The following MGAT5 variants were observed in gnomAD, a reference collection of about 807,000 sequenced individuals.
The protein encoded by MGAT5 is alpha-1,6-mannosylglycoprotein 6-beta-N-acetylglucosaminyltransferase, also known as alpha-1,6-mannosylglycoprotein 6-beta-N-acetylglucosaminyltransferase A.
MGAT5 carries 30 observed loss-of-function variants against 94.3 expected under a neutral mutation model. The ratio of observed to expected loss-of-function variants is 0.32; its 90% CI spans 0.24 to 0.43. The LOEUF is 0.43. Among genes scored for constraint, MGAT5 ranks in the 20% least tolerant of loss-of-function variants. The pLI is 1.00. For missense variants in MGAT5, 691 were observed against 905.5 expected (o/e 0.76, Z 3.04); for synonymous variants, 310 against 322.9 (o/e 0.96, Z 0.43).
chr2:134,137,494 C>T (rs1188423225), intron 1 of MGAT5, among the ~76,000 whole-genome samples: 5 of 152,202 alleles, frequency 3.3e-5, no homozygotes, highest in African/African-American at 7.2e-5. Context: ...TACTGCACCT[C>T]GTCAGGCTGC....
intron 2 of MGAT5, among the ~76,000 whole-genome samples, chr2:134,293,327 T>C (rs556293750): frequency 6.6e-6 from 1 of 152,308 alleles, no homozygotes; most frequent in South Asian, 2.1e-4. Context: ...AGTATACGTA[T>C]GCGAGGGAAA....
rs770888873 is a variant in MGAT5, at chr2:134,338,297, G to T, written c.684G>T (p.Met228Ile). ...IRTDFNILYS[M>I]MKKHEEFRWM... Reference sequence around the variant, plus strand: ...CAGATTTTAATATTCTCTACAGTATGATGAAAAAGCATGAAGAATTCCGGT... The same window carrying T: ...CAGATTTTAATATTCTCTACAGTATTATGAAAAAGCATGAAGAATTCCGGT... Residue 228 changes from methionine (M) to isoleucine (I), a missense_variant, in exon 6 of 16, where the codon ATG becomes ATT. Physicochemically the swap from Met to Ile is conservative, Grantham distance 10. This residue lies in a region of MGAT5 where 307 missense variants were observed against 335.4 expected (regional missense o/e 0.92). Transcript: ENST00000281923. The T allele has an allele frequency of 6.2e-7, 1 of 1,612,936 alleles. No homozygotes were observed. The highest frequency in any genetic ancestry group is 2.2e-5 in the East Asian group (1 of 44,810).
intron 1 of MGAT5, among the ~76,000 whole-genome samples, chr2:134,162,735 A>AT (rs1687793657): frequency 6.6e-6 from 1 of 152,362 alleles, no homozygotes; most frequent in Admixed American, 6.5e-5. Flanking sequence ...TAGAAATAAC[A>AT]TGTTTGGGAT....
chr2:134,171,816 C>CA (rs1247571835), intron 1 of MGAT5, among the ~76,000 whole-genome samples: 1 of 152,158 alleles, frequency 6.6e-6, no homozygotes, highest in African/African-American at 2.4e-5. Flanking sequence ...AGCAGATACT[C>CA]ACCTGGGCTA....
intron 4 of MGAT5, among the ~76,000 whole-genome samples, chr2:134,327,905 G>T (rs1318841777): frequency 6.6e-6 from 1 of 152,078 alleles, no homozygotes; most frequent in Non-Finnish European, 1.5e-5. Context: ...CCTAAAATAT[G>T]ACTACCTCTT....
In MGAT5 at chr2:134,326,052, C is replaced by CTT. The variant is rs1553446977; in HGVS notation, c.573+7328_573+7329dup. Among the ~76,000 whole-genome samples, 455 of 135,894 alleles carry CTT rather than the reference C, an allele frequency of 3.3e-3. 3 individuals are homozygous for CTT. The highest frequency in any genetic ancestry group is 0.011 in the African/African-American group (417 of 37,162). The allele number at this position is 135,894 out of a possible 152,430, so 89.2% of individuals were successfully genotyped here. A position where few individuals can be genotyped will look rare whatever the true frequency, so the allele number is the denominator to read the frequency against. ...CTGATTTCTCTTTCTCTCTCTCTCT[C>CTT]TTTTTTTTTTTTTTTTGATGTTAGC... On this transcript the variant is annotated intron_variant, in intron 4 of 15. Transcript: ENST00000281923.
intron 1 of MGAT5, among the ~76,000 whole-genome samples, chr2:134,183,874 A>G (rs1688871248): frequency 6.6e-6 from 1 of 152,218 alleles, no homozygotes; most frequent in Non-Finnish European, 1.5e-5. Context: ...CATGCGGGAC[A>G]TGAAAAACGT....
intron 10 of MGAT5, among the ~76,000 whole-genome samples, chr2:134,383,562 A>G (rs777800878): frequency 2.0e-5 from 3 of 152,326 alleles, no homozygotes; most frequent in South Asian, 2.1e-4. Flanking sequence ...GCTGTTTTAA[A>G]TACTGCTGTT....
chr2:134,439,022 T>C (rs1685324602), intron 14 of MGAT5, among the ~76,000 whole-genome samples: 1 of 152,152 alleles, frequency 6.6e-6, no homozygotes, highest in Admixed American at 6.5e-5. Context: ...AATCCCCTCA[T>C]CATAGGAACA....
intron 2 of MGAT5, among the ~76,000 whole-genome samples, chr2:134,283,144 T>A (rs1046395552): frequency 6.6e-6 from 1 of 152,172 alleles, no homozygotes; most frequent in African/African-American, 2.4e-5. Flanking sequence ...GTGTGCGCAG[T>A]ACAGACTCAG....
chr2:134,358,744 T>C (rs3828180), intron 9 of MGAT5, among the ~76,000 whole-genome samples: 89,780 of 152,154 alleles, frequency 0.59, 30,188 homozygotes, highest in Non-Finnish European at 0.75. Flanking sequence ...TTTTGAATTA[T>C]AGTTTAAAAG....
intron 3 of MGAT5, among the ~76,000 whole-genome samples, chr2:134,318,125 T>A (rs1010343272): frequency 1.3e-5 from 2 of 152,172 alleles, no homozygotes; most frequent in African/African-American, 4.8e-5. Flanking sequence ...GGGAGACCAC[T>A]CCCTGCTCAG....
At chr2:134,417,932 G>A (rs1402863009) in intron 12 of MGAT5, among the ~76,000 whole-genome samples, 3 of 152,078 alleles carry the variant, frequency 2.0e-5, no homozygotes, top group East Asian at 1.9e-4. Flanking sequence ...TGCATGAAAA[G>A]CAAAGAAGCC....
intron 12 of MGAT5, among the ~76,000 whole-genome samples, chr2:134,422,123 AACT>A (rs1164439009): frequency 2.0e-5 from 3 of 152,068 alleles, no homozygotes; most frequent in African/African-American, 7.3e-5. Context: ...GGCTGCAGTG[AACT>A]ACGACTGGGC....
At chr2:134,271,177 G>GAT (rs1684003803) in intron 2 of MGAT5, among the ~76,000 whole-genome samples, 1 of 152,146 alleles carries the variant, frequency 6.6e-6, no homozygotes, top group East Asian at 1.9e-4. Context: ...ACAACACCCA[G>GAT]ATTATACGCT....
At chr2:134,190,820 A>G (rs893216668) in intron 1 of MGAT5, among the ~76,000 whole-genome samples, 1 of 151,682 alleles carries the variant, frequency 6.6e-6, no homozygotes, top group Non-Finnish European at 1.5e-5. Flanking sequence ...TAATTTATGT[A>G]TTTTTTTTAA....
rs576267326 is a variant in MGAT5 at position 134,171,702 on chromosome 2, A to G, written c.-143+51411A>G. On this transcript the variant is annotated intron_variant, in intron 1 of 16. Coordinates refer to the MGAT5 transcript ENST00000409645. ...TTTGCAATGGATCAAGTCCTTTAAG[A>G]GGAGGAACTTAAAACCGTCCTTGTC... 4.7e-4 allele frequency among the ~76,000 whole-genome samples: 72 copies of G among 152,268 alleles called. 1 individual carries two copies. The highest frequency in any genetic ancestry group is 1.7e-3 in the African/African-American group (69 of 41,540).
upstream of MGAT5, chr2:134,120,081 C>G (rs1030707047): frequency 4.6e-5 from 7 of 152,672 alleles, no homozygotes; most frequent in African/African-American, 1.4e-4. Flanking sequence ...GGACGCGCCG[C>G]GCGCGGCCCC....
intron 14 of MGAT5, among the ~76,000 whole-genome samples, chr2:134,432,895 AAACC>A (rs753884200): frequency 2.6e-5 from 4 of 152,250 alleles, no homozygotes; most frequent in Non-Finnish European, 5.9e-5. Context: ...AGGAGCCCAG[AAACC>A]AACCAAGGTG....
Sources: gnomAD v4.1 joint callset for allele counts (sites outside exome capture counted in the v4.1 genomes callset) on GRCh38, gnomAD v4.1.1 for gene constraint, gnomAD v4.1.1 regional missense constraint, MANE v1.5 for transcripts, NCBI Gene and HGNC (gene_info 2026-07-23, HGNC 2026-07-21) for gene names.